ADGRL1: variants seen among roughly 807,000 people sequenced by gnomAD.
ADGRL1 encodes adhesion G protein-coupled receptor L1.
ADGRL1 carries 31 observed loss-of-function variants against 148.9 expected under a neutral mutation model. That is an observed-to-expected ratio of 0.21 (90% CI 0.16 to 0.28). ADGRL1 has a LOEUF of 0.28. ADGRL1 is among the 10% of genes least tolerant of loss of function. ADGRL1 has a pLI of 1.00. For synonymous variants in ADGRL1, 937 were observed against 900.3 expected (o/e 1.04, Z -0.73); for missense variants, 1,521 against 2,058.8 (o/e 0.74, Z 5.05).
chr19:14,200,151 G>C (rs1972505860), intron 1 of ADGRL1, among the ~76,000 whole-genome samples: 1 of 152,230 alleles, frequency 6.6e-6, no homozygotes, highest in South Asian at 2.1e-4. Flanking sequence ...AGGAGAGTTA[G>C]AAGAGCATCC....
intron 3 of ADGRL1, among the ~76,000 whole-genome samples, chr19:14,171,793 GGGCT>G (rs1026772555): frequency 2.6e-5 from 4 of 152,192 alleles, no homozygotes; most frequent in Admixed American, 6.5e-5. Flanking sequence ...ACTTCCCAGG[GGGCT>G]GGCTAGCATG....
At position 14,155,313 on chromosome 19, in the gene ADGRL1, A is replaced by G. The variant is rs1968609656; in HGVS notation, c.3294+46T>C. ...CCGCCTTCTCCTGGGTACCCAGGAA[A>G]CGTCTCCAAGGGAGGCTGTGACCCA... On this transcript the variant is annotated intron_variant, in intron 18 of 22. Coordinates refer to ENST00000361434, the MANE Select transcript of ADGRL1 (RefSeq NM_014921.5). This position sits in a 1 kb window ranked among gnomAD's most constrained non-coding sequence, Gnocchi z 5.0. The G allele has an allele frequency of 1.9e-6, 3 of 1,598,890 alleles. No homozygotes were observed. The highest frequency in any genetic ancestry group is 2.2e-5 in the South Asian group (2 of 89,836).
At chr19:14,156,568 G>GC in intron 16 of ADGRL1, 90 bp downstream of exon 16, 1 of 825,198 alleles carries the variant, frequency 1.2e-6, no homozygotes, top group Non-Finnish European at 1.9e-6. Flanking sequence ...TGTGTGTGTG[G>GC]GGGGGGTGGG....
At chr19:14,190,666 T>C (rs896603009) in intron 1 of ADGRL1, among the ~76,000 whole-genome samples, 5 of 152,362 alleles carry the variant, frequency 3.3e-5, no homozygotes, top group Admixed American at 3.3e-4. Flanking sequence ...CTACTCTGCT[T>C]CTACGAGTTC....
chr19:14,202,418 A>T (rs1002604897), intron 1 of ADGRL1, among the ~76,000 whole-genome samples: 7 of 151,818 alleles, frequency 4.6e-5, no homozygotes, highest in Admixed American at 6.6e-5. Flanking sequence ...ACGCCTGGCT[A>T]ATTTCTGTAC....
Position 14,157,562 on chromosome 19 carries a change from G to A in ADGRL1, c.2536-102C>T, listed in dbSNP as rs78123217. 225 of 1,207,376 alleles carry A rather than the reference G, an allele frequency of 1.9e-4. No individual in the cohort carries two copies. In the East Asian group the frequency reaches 4.0e-3, roughly 21 times the overall value. The allele number at this position is 1,207,376 out of a possible 1,614,324, so 74.8% of individuals were successfully genotyped here. On this transcript the variant is annotated intron_variant, in intron 13 of 22. Transcript: ENST00000361434. This position sits in a 1 kb window ranked among gnomAD's most constrained non-coding sequence, Gnocchi z 7.5. The stretch of plus-strand genomic sequence containing the variant: ...AGGGCCCTGGGCAAGGCCATGGGCC[G>A]TGAGGACCTCTGGTGCCGCCAACCT...
At position 14,177,756 on chromosome 19, in the gene ADGRL1, G is replaced by A; in HGVS notation, c.71-12C>T. 1.2e-6 allele frequency: 2 copies of A among 1,605,046 alleles called. No individual in the cohort carries two copies. The highest frequency in any genetic ancestry group is 1.1e-5 in the South Asian group (1 of 90,962). ...GGCCCGGCTCAGGCCTGCAGGGAGGGTTGGGGATGGTGTCACTCCTGGGCC... is the reference window on the plus strand; with the variant it reads ...GGCCCGGCTCAGGCCTGCAGGGAGGATTGGGGATGGTGTCACTCCTGGGCC... On this transcript the variant is annotated splice_polypyrimidine_tract_variant and intron_variant, in intron 2 of 22. Coordinates refer to ENST00000361434, the MANE Select transcript of ADGRL1 (RefSeq NM_014921.5).
Position 14,161,541 on chromosome 19 carries a change from G to T in ADGRL1, c.1281C>A (p.Thr427=), listed in dbSNP as rs781295441. The change falls in exon 6 of 23, where the codon ACC becomes ACA. Residue 427 remains threonine, a synonymous_variant. Transcript: ENST00000361434. The surrounding 1 kb of genome is among the most constrained non-coding windows in gnomAD (Gnocchi z 4.4). ...LTSTASPAAT[T]PLRRAPLTTH... Reference sequence around the variant, plus strand: ...TGGTGAGGGGTGCCCGGCGGAGCGGGGTGGTGGCTGCGGGCGAGGCTGTGC... The same window carrying T: ...TGGTGAGGGGTGCCCGGCGGAGCGGTGTGGTGGCTGCGGGCGAGGCTGTGC... The T allele has an allele frequency of 6.9e-7, 1 of 1,456,102 alleles. No individual in the cohort carries two copies. Among genetic ancestry groups the T allele is most frequent in the Non-Finnish European group, 9.1e-7 (1 of 1,104,854 alleles). 90.2% of individuals were successfully genotyped at this position (1,456,102 alleles called of 1,614,324 possible).
At chr19:14,205,294 G>C (rs185918868) in intron 1 of ADGRL1, among the ~76,000 whole-genome samples, 1 of 151,994 alleles carries the variant, frequency 6.6e-6, no homozygotes. Flanking sequence ...AATCCGAGTG[G>C]ATCAAACCTG....
Position 14,151,622 on chromosome 19 carries a change from G to A in ADGRL1, c.3668-7C>T, listed in dbSNP as rs1186736602. ...CGGCCTCCCAAGGGGTGCTCTGCAG[G>A]GCAGAAAGGGGCTGGTCAGGTTGAA... On this transcript the variant is annotated splice_polypyrimidine_tract_variant and splice_region_variant and intron_variant, in intron 22 of 22. Coordinates refer to ENST00000361434, the MANE Select transcript of ADGRL1 (RefSeq NM_014921.5). 1.9e-6 allele frequency: 3 copies of A among 1,583,464 alleles called. No individual in the cohort carries two copies. Among genetic ancestry groups the A allele is most frequent in the Non-Finnish European group, 2.6e-6 (3 of 1,171,862 alleles).
At position 14,177,461 on chromosome 19, in the gene ADGRL1, G is replaced by A. The variant is rs968043993; in HGVS notation, c.284+70C>T. ...TAAAAAAAAGATGTAAGGTGAACGGGTGTGCTGGCAGGTGTGCAGTGCTTT... is the reference window on the plus strand; with the variant it reads ...TAAAAAAAAGATGTAAGGTGAACGGATGTGCTGGCAGGTGTGCAGTGCTTT... On this transcript the variant is annotated intron_variant, in intron 3 of 22. Transcript: ENST00000361434. 6.8e-5 allele frequency: 93 copies of A among 1,375,000 alleles called. No homozygotes were observed. In the Admixed American group the frequency reaches 1.6e-3, roughly 23 times the overall value. 85.2% of individuals were successfully genotyped at this position (1,375,000 alleles called of 1,614,324 possible).
chr19:14,156,583 G>GGGGGCA, intron 16 of ADGRL1, 75 bp downstream of exon 16: 1 of 905,068 alleles, frequency 1.1e-6, no homozygotes, highest in Non-Finnish European at 1.6e-6. Context: ...GGTGGGGGGC[G>GGGGGCA]GGGGCAGGGG....
chr19:14,192,264 G>A (rs998294209), intron 1 of ADGRL1, among the ~76,000 whole-genome samples: 26 of 151,538 alleles, frequency 1.7e-4, no homozygotes, highest in African/African-American at 5.6e-4. Flanking sequence ...TTTTTGAGAC[G>A]GAGTTTCACT....
At chr19:14,177,984 T>C (rs1970939043) in intron 2 of ADGRL1, among the ~76,000 whole-genome samples, 1 of 152,172 alleles carries the variant, frequency 6.6e-6, no homozygotes, top group Non-Finnish European at 1.5e-5. Context: ...TCTGAGCCTT[T>C]GGAATGCTCT....
Position 14,163,046 on chromosome 19 carries a change from G to T in ADGRL1, c.755C>A (p.Thr252Asn), listed in dbSNP as rs755909197. 6.2e-7 allele frequency: 1 copy of T among 1,614,138 alleles called. No homozygotes were observed. The highest frequency in any genetic ancestry group is 1.7e-5 in the Admixed American group (1 of 60,030). ...CTTTCCGCCCCAGCGGTAGGGCGAG[G>T]TGTCATGGTAGTTGGCGGTATTGAT... is the stretch of plus-strand genomic sequence containing the variant. Reference protein sequence around the residue: ...TVINTANYHDTSPYRWGGKTD... With the variant: ...TVINTANYHDNSPYRWGGKTD... The change falls in exon 5 of 23, where the codon ACC (threonine) becomes AAC (asparagine). Residue 252 changes from threonine to asparagine, a missense_variant. Around this residue, in one of 8 missense-constraint regions of ADGRL1, gnomAD observed 334 missense variants for 512.5 expected, o/e 0.65. Transcript: ENST00000361434.
chr19:14,172,131 T>C (rs12971709), intron 3 of ADGRL1, among the ~76,000 whole-genome samples: 15,915 of 152,166 alleles, frequency 0.1, 976 homozygotes, highest in Admixed American at 0.18. Context: ...TCTTTAAAAA[T>C]AGAACACTGG....
chr19:14,157,080 G>A lies in ADGRL1; in HGVS notation c.2811C>T (p.Cys937=). The stretch of plus-strand genomic sequence containing the variant: ...GCAGGTAGAGGTGCACGCCCTCCAG[G>A]CACAGCCAGGAGAAGGCAGCCAGGA... ...YFFLAAFSWL[C]LEGVHLYLLL... Residue 937 remains cysteine, a synonymous_variant, in exon 15 of 23, where the codon TGC becomes TGT. Coordinates refer to ENST00000361434, the MANE Select transcript of ADGRL1 (RefSeq NM_014921.5). The surrounding 1 kb of genome is among the most constrained non-coding windows in gnomAD (Gnocchi z 7.5). The A allele has an allele frequency of 6.2e-7, 1 of 1,614,098 alleles. No homozygotes were observed.
At chr19:14,178,683 AT>A (rs1033172708) in intron 2 of ADGRL1, among the ~76,000 whole-genome samples, 3 of 152,052 alleles carry the variant, frequency 2.0e-5, no homozygotes, top group Non-Finnish European at 4.4e-5. Context: ...TGTCCGGCTA[AT>A]TTTTTACATT....
At chr19:14,158,616 C>T in intron 11 of ADGRL1, 64 bp from the exon 12 acceptor site, 1 of 1,367,774 alleles carries the variant, frequency 7.3e-7, no homozygotes, top group Non-Finnish European at 1.0e-6. Flanking sequence ...CATCCAGGCC[C>T]CTGGCTTCCC....
Sources: allele counts gnomAD v4.1 joint callset (sites outside exome capture counted in the v4.1 genomes callset), GRCh38; gene constraint gnomAD v4.1.1; regional missense constraint gnomAD v4.1.1; non-coding constraint Gnocchi (gnomAD v3.1); transcripts MANE v1.5; gene names NCBI Gene and HGNC (gene_info 2026-07-23, HGNC 2026-07-21).